The following TBCE variants were observed in gnomAD, a reference collection of about 807,000 sequenced individuals.
The protein encoded by TBCE is tubulin-specific chaperone E.
In TBCE, 53 loss-of-function variants were observed where a neutral mutation model predicts 77.0. The observed-to-expected ratio is 0.69, with a 90% confidence interval of 0.55 to 0.87. TBCE has a LOEUF of 0.87. TBCE is among the 40% of genes least tolerant of loss of function. TBCE has a pLI of 0.00. For synonymous variants in TBCE, 235 were observed against 241.3 expected (o/e 0.97, Z 0.24); for missense variants, 624 against 622.4 (o/e 1.00, Z -0.03).
intron 1 of TBCE, among the ~76,000 whole-genome samples, chr1:235,368,973 T>A (rs1003644318): frequency 6.6e-6 from 1 of 152,184 alleles, no homozygotes; most frequent in Non-Finnish European, 1.5e-5. Flanking sequence ...ATCTCTTCCA[T>A]ATATATCAGC....
intron 4 of TBCE, chr1:235,419,146 G>A (rs900954955): frequency 8.5e-5 from 32 of 377,218 alleles, no homozygotes; most frequent in Middle Eastern, 1.7e-3. Context: ...GGGAGAGGTT[G>A]CAGTGAGTCT....
At position 235,426,418 on chromosome 1, in the gene TBCE, C is replaced by T. The variant is rs551058693; in HGVS notation, c.461-722C>T. Among the ~76,000 whole-genome samples the T allele has an allele frequency of 2.0e-5, 3 of 152,276 alleles. No homozygotes were observed. In the East Asian group the frequency reaches 5.8e-4, roughly 29 times the overall value. ...ACCCCTCTTCTCTGCCCTGTAGATGCTATTTATCTGGAGATTCCTATGGTA... is the reference window on the plus strand; with the variant it reads ...ACCCCTCTTCTCTGCCCTGTAGATGTTATTTATCTGGAGATTCCTATGGTA... On this transcript the variant is annotated intron_variant, in intron 5 of 16. Transcript: ENST00000642610.
intron 5 of TBCE, among the ~76,000 whole-genome samples, chr1:235,426,321 C>A (rs1344811091): frequency 1.3e-5 from 2 of 152,186 alleles, no homozygotes; most frequent in East Asian, 1.9e-4. Context: ...GATACTGTTA[C>A]AACTGCTTCC....
chr1:235,435,602 A>G, intron 8 of TBCE, 143 bp from the exon 9 acceptor site: 1 of 710,804 alleles, frequency 1.4e-6, no homozygotes, highest in Admixed American at 2.1e-5. Flanking sequence ...CACAGGGACC[A>G]CTCAGGTTGC....
intron 5 of TBCE, among the ~76,000 whole-genome samples, chr1:235,421,052 A>G (rs1680371331): frequency 6.6e-6 from 1 of 152,174 alleles, no homozygotes; most frequent in African/African-American, 2.4e-5. Context: ...TGCTCTTATT[A>G]GTGTTATTTT....
At chr1:235,410,836 G>A (rs1345722507) in intron 3 of TBCE, among the ~76,000 whole-genome samples, 2 of 152,148 alleles carry the variant, frequency 1.3e-5, no homozygotes, top group Non-Finnish European at 2.9e-5. Context: ...CTTGCATTCA[G>A]GGTAGAGGAG....
chr1:235,393,048 T>G (rs1269653710), intron 2 of TBCE, among the ~76,000 whole-genome samples: 1 of 152,112 alleles, frequency 6.6e-6, no homozygotes, highest in Non-Finnish European at 1.5e-5. Context: ...TTTTCTTGAT[T>G]AATTTTAGAC....
intron 2 of TBCE, among the ~76,000 whole-genome samples, chr1:235,387,319 C>T (rs1450467870): frequency 6.6e-6 from 1 of 152,204 alleles, no homozygotes; most frequent in Non-Finnish European, 1.5e-5. Flanking sequence ...AACCACTGCT[C>T]TCTTCAAAGC....
chr1:235,380,186 TG>T, intron 2 of TBCE, 37 bp downstream of exon 2: 1 of 1,329,328 alleles, frequency 7.5e-7, no homozygotes, highest in Non-Finnish European at 1.1e-6. Flanking sequence ...TGTGTGTGTG[TG>T]TGTGTGTGTG....
chr1:235,420,873 G>C (rs1196574520), intron 5 of TBCE, among the ~76,000 whole-genome samples: 1 of 152,152 alleles, frequency 6.6e-6, no homozygotes, highest in African/African-American at 2.4e-5. Flanking sequence ...TGATTCCCCT[G>C]CCTCGGCCTC....
At chr1:235,429,404 G>A (rs1272229009) in intron 6 of TBCE, 1 of 152,160 alleles carries the variant, frequency 6.6e-6, no homozygotes, top group East Asian at 1.9e-4. Context: ...GTGGGGATGA[G>A]TTAGATTTTC....
intron 2 of TBCE, among the ~76,000 whole-genome samples, chr1:235,384,276 T>C (rs1677855450): frequency 7.2e-6 from 1 of 138,810 alleles, no homozygotes; most frequent in African/African-American, 2.7e-5. Context: ...TCTAAAATTC[T>C]CTTTTTTGGT....
At chr1:235,428,981 A>AT (rs1287551070) in intron 6 of TBCE, 27 of 91,452 alleles carry the variant, frequency 3.0e-4, no homozygotes, top group African/African-American at 1.5e-3. Context: ...ATATATATAT[A>AT]TATATTTTTT....
At chr1:235,440,192 G>A (rs551759223) in intron 13 of TBCE, among the ~76,000 whole-genome samples, 13 of 152,060 alleles carry the variant, frequency 8.5e-5, no homozygotes, top group East Asian at 5.9e-4. Context: ...GGATGGTCTC[G>A]ATCTCCTGAC....
In TBCE at chr1:235,374,081, A is replaced by G. The variant is rs765154973; in HGVS notation, c.-31-5938A>G. On this transcript the variant is annotated intron_variant, in intron 1 of 16. Transcript: ENST00000642610. The stretch of plus-strand genomic sequence containing the variant: ...CTCCGCCTCTTGGGTTCAAGCCTCC[A>G]GAGTAGCTGGGATTACGGGTGCTTG... Among the ~76,000 whole-genome samples the G allele has an allele frequency of 4.8e-5, 7 of 145,384 alleles. 1 individual carries two copies. Among genetic ancestry groups the G allele is most frequent in the Non-Finnish European group, 9.0e-5 (6 of 66,400 alleles).
At chr1:235,416,746 C>T (rs1442792605) in intron 4 of TBCE, among the ~76,000 whole-genome samples, 1 of 152,080 alleles carries the variant, frequency 6.6e-6, no homozygotes, top group Non-Finnish European at 1.5e-5. Context: ...TAGTGTCTTT[C>T]TTGATTGAAA....
intron 5 of TBCE, 67 bp from the exon 6 acceptor site, chr1:235,427,073 A>G: frequency 8.9e-7 from 1 of 1,126,974 alleles, no homozygotes; most frequent in Non-Finnish European, 1.3e-6. Context: ...CTCTGGAATT[A>G]AGAGTAACTC....
At position 235,383,444 on chromosome 1, in the gene TBCE, A is replaced by T. The variant is rs959946612; in HGVS notation, c.100+3295A>T. ...TTCACGATATTAATTCTTCCTACCC[A>T]TGAGCATGGAATGTTCTTCCATTTG... is the stretch of plus-strand genomic sequence containing the variant. On this transcript the variant is annotated intron_variant, in intron 2 of 16. Coordinates refer to ENST00000642610, the MANE Select transcript of TBCE (RefSeq NM_003193.5). Among the ~76,000 whole-genome samples, 3 of 152,158 alleles carry T rather than the reference A, an allele frequency of 2.0e-5. No homozygotes were observed. In the East Asian group the frequency reaches 5.8e-4, roughly 29 times the overall value.
chr1:235,442,309 T>C (rs1333392747), intron 14 of TBCE, among the ~76,000 whole-genome samples: 1 of 152,210 alleles, frequency 6.6e-6, no homozygotes, highest in Non-Finnish European at 1.5e-5. Context: ...TAGCTGGGAT[T>C]ACAGGCATGC....
Sources: allele counts gnomAD v4.1 joint callset (sites outside exome capture counted in the v4.1 genomes callset), GRCh38; gene constraint gnomAD v4.1.1; transcripts MANE v1.5; gene names NCBI Gene and HGNC (gene_info 2026-07-23, HGNC 2026-07-21).